Variants in UNC13C observed in about 807,000 individuals in gnomAD.
UNC13C encodes the protein unc-13 homolog C.
In UNC13C, 174 loss-of-function variants were observed where a neutral mutation model predicts 245.4. The ratio of observed to expected loss-of-function variants is 0.71; its 90% confidence interval spans 0.63 to 0.80. UNC13C has a LOEUF of 0.80. Ranked by LOEUF, UNC13C falls within the 30% of genes least tolerant of loss-of-function variation. The pLI is 0.00. For synonymous variants in UNC13C, 992 were observed against 895.1 expected (o/e 1.11, Z -1.93); for missense variants, 2,829 against 2,602.9 (o/e 1.09, Z -1.89).
intron 7 of UNC13C, among the ~76,000 whole-genome samples, chr15:54,244,239 T>C (rs931657148): frequency 6.6e-6 from 1 of 152,230 alleles, no homozygotes; most frequent in Non-Finnish European, 1.5e-5. Context: ...TAGGGAATCC[T>C]TTCCTCATTG....
At chr15:54,048,431 A>G (rs1382746515) in intron 2 of UNC13C, among the ~76,000 whole-genome samples, 1 of 152,118 alleles carries the variant, frequency 6.6e-6, no homozygotes, top group East Asian at 1.9e-4. Context: ...AGTTGTAGAG[A>G]TTAATATTGA....
chr15:54,202,782 A>C (rs1182880964), intron 4 of UNC13C, among the ~76,000 whole-genome samples: 3 of 152,072 alleles, frequency 2.0e-5, no homozygotes, highest in African/African-American at 7.2e-5. Flanking sequence ...CCAAGAATCC[A>C]AAGGCAAATG....
downstream of UNC13C, chr15:54,629,897 T>TATC (rs1901415632): frequency 1.3e-5 from 2 of 152,216 alleles, no homozygotes; most frequent in Non-Finnish European, 2.9e-5. Context: ...TATTTATGAC[T>TATC]ATCATAAAGT....
intron 4 of UNC13C, among the ~76,000 whole-genome samples, chr15:54,232,979 G>A (rs2035593567): frequency 6.6e-6 from 1 of 152,152 alleles, no homozygotes; most frequent in Non-Finnish European, 1.5e-5. Context: ...AAAGATGACA[G>A]GAGGGAAGCA....
At chr15:54,059,409 G>A (rs143860133) in intron 2 of UNC13C, among the ~76,000 whole-genome samples, 1,923 of 152,236 alleles carry the variant, frequency 0.013, 35 homozygotes, top group African/African-American at 0.044. Flanking sequence ...ACTTGCAAGG[G>A]ATGAGAAGGA....
the UNC13C span, among the ~76,000 whole-genome samples, chr15:53,872,067 A>T: frequency 6.6e-6 from 1 of 152,186 alleles, no homozygotes; most frequent in Non-Finnish European, 1.5e-5. Flanking sequence ...CTGATCTAAG[A>T]TTCAGGAAAT....
chr15:54,237,925 C>T (rs2035747394), intron 7 of UNC13C, among the ~76,000 whole-genome samples: 1 of 152,144 alleles, frequency 6.6e-6, no homozygotes, highest in African/African-American at 2.4e-5. Flanking sequence ...TCAATTCTAA[C>T]ATAGCTTCCC....
At chr15:53,904,099 G>A in the UNC13C span, among the ~76,000 whole-genome samples, 3 of 152,136 alleles carry the variant, frequency 2.0e-5, no homozygotes, top group Non-Finnish European at 2.9e-5. Context: ...CTGGCCAAAT[G>A]CAAGGCTTAG....
At chr15:54,301,586 G>A (rs144127420) in intron 13 of UNC13C, among the ~76,000 whole-genome samples, 1 of 152,040 alleles carries the variant, frequency 6.6e-6, no homozygotes, top group Non-Finnish European at 1.5e-5. Context: ...ACGGTTTCCA[G>A]CTTCAACAAT....
intron 2 of UNC13C, among the ~76,000 whole-genome samples, chr15:54,134,130 T>G (rs927938781): frequency 6.6e-6 from 1 of 151,532 alleles, no homozygotes; most frequent in African/African-American, 2.4e-5. Context: ...GTAGTATTAT[T>G]GGCTATAGTT....
intron 18 of UNC13C, among the ~76,000 whole-genome samples, 187 bp from the exon 19 acceptor site, chr15:54,414,795 T>C (rs532070213): frequency 2.0e-5 from 3 of 152,150 alleles, no homozygotes; most frequent in Non-Finnish European, 4.4e-5. Flanking sequence ...CCAATAACTT[T>C]TTAACATTAA....
chr15:54,288,710 T>C (rs1249305892), intron 10 of UNC13C, among the ~76,000 whole-genome samples: 2 of 152,122 alleles, frequency 1.3e-5, no homozygotes, highest in African/African-American at 4.8e-5. Flanking sequence ...ACAACCTCTT[T>C]AGCTTCTCAG....
intron 2 of UNC13C, among the ~76,000 whole-genome samples, chr15:54,025,428 A>G (rs1370679291): frequency 6.6e-6 from 1 of 152,170 alleles, no homozygotes; most frequent in Non-Finnish European, 1.5e-5. Flanking sequence ...TCACTAAATC[A>G]TATCTTCACA....
intron 10 of UNC13C, among the ~76,000 whole-genome samples, chr15:54,271,376 A>G (rs1201851635): frequency 2.6e-5 from 4 of 152,206 alleles, no homozygotes; most frequent in African/African-American, 7.2e-5. Context: ...TCATTTCATA[A>G]TTAATTATGA....
At chr15:54,394,139 G>T (rs900408354) in intron 18 of UNC13C, among the ~76,000 whole-genome samples, 4 of 151,824 alleles carry the variant, frequency 2.6e-5, no homozygotes, top group African/African-American at 9.7e-5. Context: ...CATTGTTTAT[G>T]TTCAGTCCAA....
At chr15:54,472,449 T>C (rs1266297730) in intron 19 of UNC13C, among the ~76,000 whole-genome samples, 2 of 151,820 alleles carry the variant, frequency 1.3e-5, no homozygotes, top group African/African-American at 4.8e-5. Context: ...AAGTGCTTAC[T>C]TTTACCAGTA....
intron 4 of UNC13C, among the ~76,000 whole-genome samples, chr15:54,190,346 A>C (rs1375762755): frequency 6.6e-6 from 1 of 152,198 alleles, no homozygotes; most frequent in African/African-American, 2.4e-5. Flanking sequence ...AAAAGACTAC[A>C]TAGCAATAAG....
intron 2 of UNC13C, among the ~76,000 whole-genome samples, chr15:54,059,879 T>C (rs1897728020): frequency 6.6e-6 from 1 of 152,188 alleles, no homozygotes; most frequent in Admixed American, 6.5e-5. Context: ...GGATTCCCTA[T>C]TTAATAAATG....
chr15:53,887,778 C>T, the UNC13C span, among the ~76,000 whole-genome samples: 1 of 152,114 alleles, frequency 6.6e-6, no homozygotes, highest in Admixed American at 6.6e-5. Flanking sequence ...TGTTCAACTC[C>T]CACTTATGAG....
Sources: allele counts gnomAD v4.1 joint callset (sites outside exome capture counted in the v4.1 genomes callset), GRCh38; gene constraint gnomAD v4.1.1; transcripts MANE v1.5; gene names NCBI Gene and HGNC (gene_info 2026-07-23, HGNC 2026-07-21).